The following REDIC1 variants were observed in gnomAD, a reference collection of about 807,000 sequenced individuals.
REDIC1 encodes the protein regulator of DNA class I crossover intermediates 1.
chr12:39,638,960 AT>A, the REDIC1 span, among the ~76,000 whole-genome samples: 4 of 152,116 alleles, frequency 2.6e-5, no homozygotes, highest in South Asian at 8.3e-4. Context: ...TGATTTCTTA[AT>A]TTTACTGAGC....
the REDIC1 span, among the ~76,000 whole-genome samples, chr12:39,722,433 A>G: frequency 6.6e-6 from 1 of 152,110 alleles, no homozygotes; most frequent in Non-Finnish European, 1.5e-5. Context: ...CAGATACTAA[A>G]TGAAAGGTAT....
chr12:39,707,610 G>T, the REDIC1 span, among the ~76,000 whole-genome samples: 1 of 151,964 alleles, frequency 6.6e-6, no homozygotes, highest in East Asian at 1.9e-4. Flanking sequence ...AGCAACCTAA[G>T]TGTCCATCAA....
chr12:39,790,483 T>C, the REDIC1 span, among the ~76,000 whole-genome samples: 3 of 150,812 alleles, frequency 2.0e-5, no homozygotes, highest in Non-Finnish European at 4.4e-5. Flanking sequence ...GGTTTTTTGT[T>C]CTTGTGATAG....
chr12:39,749,534 A>G, the REDIC1 span, among the ~76,000 whole-genome samples: 1 of 152,238 alleles, frequency 6.6e-6, no homozygotes, highest in Non-Finnish European at 1.5e-5. Flanking sequence ...TATTCCAATC[A>G]ATAGAAAAAG....
chr12:39,903,879 G>A, the REDIC1 span, among the ~76,000 whole-genome samples: 4 of 152,038 alleles, frequency 2.6e-5, no homozygotes, highest in Non-Finnish European at 5.9e-5. Context: ...TACTGGGGAC[G>A]TGATGAAGCA....
At chr12:39,902,500 A>T in the REDIC1 span, among the ~76,000 whole-genome samples, 5 of 152,076 alleles carry the variant, frequency 3.3e-5, no homozygotes, top group African/African-American at 9.7e-5. Flanking sequence ...AAACAGTGGC[A>T]TATCTCTGAT....
the REDIC1 span, among the ~76,000 whole-genome samples, chr12:39,634,945 A>T: frequency 1.3e-5 from 2 of 152,218 alleles, no homozygotes; most frequent in Non-Finnish European, 2.9e-5. Context: ...TACAAGAAAA[A>T]AAAACAACCC....
At chr12:39,815,414 T>C in the REDIC1 span, among the ~76,000 whole-genome samples, 1 of 152,216 alleles carries the variant, frequency 6.6e-6, no homozygotes, top group African/African-American at 2.4e-5. Flanking sequence ...GAAGAATAAA[T>C]CGAACAGGTT....
chr12:39,862,315 C>A, the REDIC1 span, among the ~76,000 whole-genome samples: 5 of 152,170 alleles, frequency 3.3e-5, no homozygotes, highest in Non-Finnish European at 7.4e-5. Flanking sequence ...GAATTAAAAT[C>A]AAGAAGAATC....
At chr12:39,704,120 A>C in the REDIC1 span, among the ~76,000 whole-genome samples, 2 of 152,044 alleles carry the variant, frequency 1.3e-5, no homozygotes, top group Admixed American at 1.3e-4. Context: ...AGAAACTACC[A>C]TCAGAGTGAA....
the REDIC1 span, chr12:39,835,729 C>T: frequency 1.3e-5 from 2 of 152,032 alleles, no homozygotes; most frequent in African/African-American, 2.4e-5. Context: ...GGGTGGATCA[C>T]CAATATATAT....
At chr12:39,688,664 C>A in the REDIC1 span, among the ~76,000 whole-genome samples, 1 of 152,180 alleles carries the variant, frequency 6.6e-6, no homozygotes, top group South Asian at 2.1e-4. Context: ...AAAGTTGATT[C>A]TAGCAACAAT....
At chr12:39,775,579 C>T in the REDIC1 span, among the ~76,000 whole-genome samples, 1 of 152,210 alleles carries the variant, frequency 6.6e-6, no homozygotes, top group African/African-American at 2.4e-5. Flanking sequence ...AGTTCTTTCT[C>T]TTATTCCATT....
At chr12:39,700,117 G>C in the REDIC1 span, among the ~76,000 whole-genome samples, 1 of 152,122 alleles carries the variant, frequency 6.6e-6, no homozygotes, top group Non-Finnish European at 1.5e-5. Context: ...GAGAGAAGAA[G>C]GCTTCAGACA....
chr12:39,709,512 T>TC, the REDIC1 span, among the ~76,000 whole-genome samples: 11 of 140,302 alleles, frequency 7.8e-5, no homozygotes, highest in Non-Finnish European at 1.2e-4. Context: ...TACTTGCCCC[T>TC]CCCCCCAGCC....
At chr12:39,807,705 G>T in the REDIC1 span, among the ~76,000 whole-genome samples, 7 of 152,084 alleles carry the variant, frequency 4.6e-5, no homozygotes, top group Admixed American at 4.6e-4. Context: ...GTGTTATCAG[G>T]AATTTTGTCC....
chr12:39,668,473 A>C, the REDIC1 span, among the ~76,000 whole-genome samples: 4 of 152,142 alleles, frequency 2.6e-5, no homozygotes, highest in Admixed American at 2.0e-4. Flanking sequence ...TGGGTAACCC[A>C]ACCTTTCTCT....
the REDIC1 span, among the ~76,000 whole-genome samples, chr12:39,861,398 T>C: frequency 6.6e-6 from 1 of 152,214 alleles, no homozygotes; most frequent in Non-Finnish European, 1.5e-5. Context: ...ATAAAAACCC[T>C]AGGGCAAGGC....
At chr12:39,777,229 A>G in the REDIC1 span, among the ~76,000 whole-genome samples, 149,266 of 152,338 alleles carry the variant, frequency 0.98, 73,138 homozygotes, top group East Asian at 1. Context: ...GGGTGAAAAG[A>G]AGAGACCGGA....
Sources: allele counts gnomAD v4.1 joint callset (sites outside exome capture counted in the v4.1 genomes callset), GRCh38; gene constraint gnomAD v4.1.1; transcripts MANE v1.5; gene names NCBI Gene and HGNC (gene_info 2026-07-23, HGNC 2026-07-21).